TMC1: variants seen among roughly 807,000 people sequenced by gnomAD.
The protein encoded by TMC1 is transmembrane channel-like protein 1.
A neutral mutation model predicts 105.8 loss-of-function variants in TMC1; 84 were observed. The ratio of observed to expected loss-of-function variants is 0.79; its 90% confidence interval spans 0.67 to 0.95. TMC1 has a LOEUF of 0.95. Among genes scored for constraint, TMC1 ranks in the 40% least tolerant of loss-of-function variants. The pLI is 0.00. For synonymous variants in TMC1, 315 were observed against 311.5 expected, an observed-to-expected ratio of 1.01 and a Z score of -0.12; for missense variants, 817 against 914.1, an observed-to-expected ratio of 0.89 and a Z score of 1.37.
At chr9:72,717,869 A>G (rs544439814) in intron 8 of TMC1, among the ~76,000 whole-genome samples, 6 of 152,298 alleles carry the variant, frequency 3.9e-5, no homozygotes, top group African/African-American at 1.4e-4. Context: ...GTTTTCCTCT[A>G]TTATTCCCCC....
At chr9:72,753,440 T>A (rs566902947) in intron 11 of TMC1, among the ~76,000 whole-genome samples, 2 of 152,112 alleles carry the variant, frequency 1.3e-5, no homozygotes, top group Non-Finnish European at 2.9e-5. Context: ...CCATGCTGCC[T>A]CCATGTGGAG....
intron 4 of TMC1, among the ~76,000 whole-genome samples, chr9:72,637,996 G>A (rs1388252655): frequency 1.3e-5 from 2 of 152,028 alleles, no homozygotes; most frequent in East Asian, 3.9e-4. Flanking sequence ...TAGTTCTTAT[G>A]GTGTTCTGCT....
At chr9:72,713,689 G>A (rs1330593601) in intron 8 of TMC1, among the ~76,000 whole-genome samples, 2 of 148,212 alleles carry the variant, frequency 1.3e-5, no homozygotes, top group Non-Finnish European at 3.0e-5. Context: ...CTGGCTAGTT[G>A]TTGATCTTTC....
At chr9:72,648,843 A>G (rs1003256684) in intron 5 of TMC1, among the ~76,000 whole-genome samples, 179 bp downstream of exon 5, 32 of 152,114 alleles carry the variant, frequency 2.1e-4, no homozygotes, top group Non-Finnish European at 2.9e-5. Context: ...GAAGGGTTTA[A>G]TATCTCTCCA....
intron 1 of TMC1, among the ~76,000 whole-genome samples, chr9:72,525,759 G>A (rs1400068259): frequency 2.0e-5 from 3 of 152,192 alleles, no homozygotes; most frequent in Non-Finnish European, 4.4e-5. Flanking sequence ...AGGCCCAGGC[G>A]GGCAGATCAC....
intron 8 of TMC1, among the ~76,000 whole-genome samples, chr9:72,713,628 T>C (rs1273118968): frequency 6.6e-6 from 1 of 152,206 alleles, no homozygotes; most frequent in Non-Finnish European, 1.5e-5. Context: ...ATACCCTTTA[T>C]CATTTTTTAT....
chr9:72,674,010 A>G (rs1826164612), intron 5 of TMC1, among the ~76,000 whole-genome samples: 1 of 152,194 alleles, frequency 6.6e-6, no homozygotes, highest in South Asian at 2.1e-4. Flanking sequence ...ATCGGAAATT[A>G]AAAATTGTAA....
At chr9:72,524,486 T>C (rs1823371515) in intron 1 of TMC1, among the ~76,000 whole-genome samples, 1 of 152,176 alleles carries the variant, frequency 6.6e-6, no homozygotes, top group Admixed American at 6.5e-5. Context: ...TAGAGACTAA[T>C]AATACATGAT....
At chr9:72,629,831 T>C (rs904206364) in intron 4 of TMC1, among the ~76,000 whole-genome samples, 2 of 152,138 alleles carry the variant, frequency 1.3e-5, no homozygotes, top group Non-Finnish European at 2.9e-5. Context: ...CTCAATATGA[T>C]AGATATTTTC....
rs186088346 is a variant in TMC1, at chr9:72,671,420, A to G, written c.17-17289A>G. 5.9e-5 allele frequency among the ~76,000 whole-genome samples: 9 copies of G among 152,326 alleles called. No individual in the cohort carries two copies. In the East Asian group the frequency reaches 1.7e-3, roughly 29 times the overall value. On this transcript the variant is annotated intron_variant, in intron 5 of 23. Transcript: ENST00000297784. Reference sequence around the variant, plus strand: ...ATTCATACAGCTTAAAATATTTAACATGCTAAGGTGTTACATTTTGGGGTA... The same window carrying G: ...ATTCATACAGCTTAAAATATTTAACGTGCTAAGGTGTTACATTTTGGGGTA...
chr9:72,571,746 C>A (rs1308949140), intron 1 of TMC1, among the ~76,000 whole-genome samples: 2 of 152,012 alleles, frequency 1.3e-5, no homozygotes, highest in Non-Finnish European at 2.9e-5. Context: ...TGTTTATATT[C>A]ATAGTATCAC....
chr9:72,720,721 G>A (rs1221940641), intron 8 of TMC1, among the ~76,000 whole-genome samples: 1 of 152,198 alleles, frequency 6.6e-6, no homozygotes, highest in Non-Finnish European at 1.5e-5. Flanking sequence ...CCAATGGCTG[G>A]TCAAGTTAGC....
intron 1 of TMC1, among the ~76,000 whole-genome samples, chr9:72,551,524 G>A (rs1197477311): frequency 6.6e-6 from 1 of 152,142 alleles, no homozygotes; most frequent in Non-Finnish European, 1.5e-5. Context: ...AGATGGTGTG[G>A]GGGATTCAGG....
chr9:72,821,044 G>C lies in TMC1; in HGVS notation c.1966G>C (p.Val656Leu). 3 of 1,614,104 alleles carry C rather than the reference G, an allele frequency of 1.9e-6. No homozygotes were observed. Among genetic ancestry groups the C allele is most frequent in the Non-Finnish European group, 2.5e-6 (3 of 1,180,024 alleles). ...CACAATGCCTGTCTTGTACATGATC[G>C]TGTCCCTCCCACCATCTTTTGATTG... is the stretch of plus-strand genomic sequence containing the variant. ...LSTMPVLYMI[V>L]SLPPSFDCGP... The change falls in exon 20 of 24, where the codon GTG becomes CTG. Residue 656 changes from valine (V) to leucine (L), a missense_variant. Val to Leu is a conservative substitution (Grantham distance 32). Coordinates refer to ENST00000297784, the MANE Select transcript of TMC1 (RefSeq NM_138691.3).
Position 72,561,210 on chromosome 9 carries a change from A to G in TMC1, c.-427-16692A>G, listed in dbSNP as rs1290281209. 2.0e-5 allele frequency among the ~76,000 whole-genome samples: 3 copies of G among 150,244 alleles called. No homozygotes were observed. In the Admixed American group the frequency reaches 2.0e-4, roughly 10 times the overall value. On this transcript the variant is annotated intron_variant, in intron 1 of 23. Coordinates refer to ENST00000297784, the MANE Select transcript of TMC1 (RefSeq NM_138691.3). ...GTGGTGGGCACCTGTAGTCCCAGCT[A>G]CTCTGGAGGGTGAGGCAGAATGGCG...
At chr9:72,685,100 C>CTT (rs71359515) in intron 5 of TMC1, among the ~76,000 whole-genome samples, 9,845 of 90,868 alleles carry the variant, frequency 0.11, 838 homozygotes, top group African/African-American at 0.16. Context: ...TAAAGTCATT[C>CTT]TTTTTTTTTT....
chr9:72,648,728 G>C, intron 5 of TMC1, 64 bp downstream of exon 5: 1 of 1,438,570 alleles, frequency 7.0e-7, no homozygotes, highest in Non-Finnish European at 9.8e-7. Flanking sequence ...AAAGGTATTT[G>C]AAAACTTTGG....
intron 1 of TMC1, among the ~76,000 whole-genome samples, chr9:72,562,920 T>G (rs1181797743): frequency 6.6e-6 from 1 of 152,092 alleles, no homozygotes; most frequent in East Asian, 1.9e-4. Flanking sequence ...TGGTGGAGGT[T>G]GCAGTGAGAT....
intron 5 of TMC1, among the ~76,000 whole-genome samples, chr9:72,676,625 T>C (rs1410820086): frequency 2.6e-5 from 4 of 152,160 alleles, no homozygotes; most frequent in Non-Finnish European, 5.9e-5. Context: ...TCTGTCTGAC[T>C]CAAAAACATA....
Sources: gnomAD v4.1 joint callset for allele counts (sites outside exome capture counted in the v4.1 genomes callset) on GRCh38, gnomAD v4.1.1 for gene constraint, MANE v1.5 for transcripts, NCBI Gene and HGNC (gene_info 2026-07-23, HGNC 2026-07-21) for gene names.